Variants in PSD3 observed in about 807,000 individuals in gnomAD.
PSD3 encodes PH and SEC7 domain-containing protein 3.
A neutral mutation model predicts 105.5 loss-of-function variants in PSD3; 49 were observed. The observed-to-expected ratio is 0.46, with a 90% CI of 0.37 to 0.59. The LOEUF is 0.59. PSD3 is among the 20% of genes least tolerant of loss of function. PSD3 has a pLI of 0.00. For synonymous variants in PSD3, 557 were observed against 457.8 expected (o/e 1.22, Z -2.77); for missense variants, 1,561 against 1,263.8 (o/e 1.24, Z -3.57).
chr8:18,530,891 A>C lies in PSD3; in HGVS notation c.*4852T>G, dbSNP rs1051465622. The C allele has an allele frequency of 1.4e-4, 22 of 152,208 alleles. No homozygotes were observed. Among genetic ancestry groups the C allele is most frequent in the African/African-American group, 5.1e-4 (21 of 41,446 alleles). 9.4% of individuals were successfully genotyped at this position (152,208 alleles called of 1,614,324 possible). On this transcript the variant is annotated 3_prime_UTR_variant, in exon 16 of 16. Coordinates refer to ENST00000327040, the MANE Select transcript of PSD3 (RefSeq NM_015310.4). ...ATTATTTGAGTTTAAGTTTAATAAA[A>C]CAATACCACTATATATACTCTCAAC...
At position 18,981,657 on chromosome 8, in the gene PSD3, T is replaced by A. The variant is rs552950843; in HGVS notation, c.21+31906A>T. Among the ~76,000 whole-genome samples, 14 of 151,922 alleles carry A rather than the reference T, an allele frequency of 9.2e-5. No individual in the cohort carries two copies. In the South Asian group the frequency reaches 2.7e-3, roughly 29 times the overall value. The stretch of plus-strand genomic sequence containing the variant: ...AAAGCAAACATCACAATAAAGTGAA[T>A]CACTCCAGTGATTCACTGTGAATAT... On this transcript the variant is annotated intron_variant, in intron 1 of 15. Coordinates refer to ENST00000327040, the MANE Select transcript of PSD3 (RefSeq NM_015310.4).
At chr8:18,586,606 G>T (rs1299887556) in intron 12 of PSD3, among the ~76,000 whole-genome samples, 1 of 151,828 alleles carries the variant, frequency 6.6e-6, no homozygotes, top group Non-Finnish European at 1.5e-5. Context: ...AAGGGAAGGT[G>T]GTCTTCAAAG....
At chr8:18,655,749 A>T in intron 9 of PSD3, 64 bp from the exon 10 acceptor site, 1 of 1,483,554 alleles carries the variant, frequency 6.7e-7, no homozygotes. Flanking sequence ...TGAATTCAGC[A>T]AATGACCAAG....
intron 2 of PSD3, among the ~76,000 whole-genome samples, chr8:18,928,892 G>C (rs1821559400): frequency 6.6e-6 from 1 of 151,444 alleles, no homozygotes; most frequent in Non-Finnish European, 1.5e-5. Flanking sequence ...ATGTTGCCCA[G>C]ACTGGACTTG....
chr8:18,683,911 G>C (rs1478953378), intron 9 of PSD3: 1 of 765,010 alleles, frequency 1.3e-6, no homozygotes, highest in South Asian at 1.3e-5. Context: ...CTGGCACTCT[G>C]GACACTATTC....
At chr8:18,823,069 A>G (rs1365559900) in intron 4 of PSD3, among the ~76,000 whole-genome samples, 1 of 147,190 alleles carries the variant, frequency 6.8e-6, no homozygotes, top group East Asian at 2.0e-4. Context: ...TTTTATAAAG[A>G]AGGAGGAAAA....
intron 11 of PSD3, among the ~76,000 whole-genome samples, chr8:18,615,750 C>T (rs1805611890): frequency 6.6e-6 from 1 of 152,176 alleles, no homozygotes; most frequent in South Asian, 2.1e-4. Flanking sequence ...CAGGTAACTG[C>T]TGAATCAGAC....
intron 4 of PSD3, among the ~76,000 whole-genome samples, chr8:18,846,840 C>G (rs1815130391): frequency 6.6e-6 from 1 of 151,990 alleles, no homozygotes; most frequent in Non-Finnish European, 1.5e-5. Flanking sequence ...TGGAAAAAAC[C>G]CTAAATTGTT....
chr8:19,081,734 A>G (rs1829652406), intron 1 of PSD3, among the ~76,000 whole-genome samples: 1 of 152,160 alleles, frequency 6.6e-6, no homozygotes, highest in African/African-American at 2.4e-5. Flanking sequence ...ATTTTTTACT[A>G]TGGAGCCTGT....
intron 4 of PSD3, among the ~76,000 whole-genome samples, chr8:18,821,813 CACTT>C (rs1350046749): frequency 9.0e-6 from 1 of 110,816 alleles, no homozygotes; most frequent in Non-Finnish European, 1.9e-5. Context: ...TTTAGCCTCT[CACTT>C]CAAGTGTTTT....
intron 15 of PSD3, among the ~76,000 whole-genome samples, chr8:18,543,727 T>C (rs1413055272): frequency 6.6e-6 from 1 of 152,192 alleles, no homozygotes; most frequent in Non-Finnish European, 1.5e-5. Flanking sequence ...AATTATCGTG[T>C]CTAAGACCAT....
chr8:18,811,171 T>G (rs11778625), intron 4 of PSD3, among the ~76,000 whole-genome samples: 48,031 of 152,100 alleles, frequency 0.32, 9,459 homozygotes, highest in Non-Finnish European at 0.44. Flanking sequence ...GGCTTCTTCC[T>G]AGGGATTGAA....
intron 9 of PSD3, among the ~76,000 whole-genome samples, chr8:18,754,314 G>T (rs1805848542): frequency 6.6e-6 from 1 of 152,114 alleles, no homozygotes; most frequent in Non-Finnish European, 1.5e-5. Context: ...AACCTGGGAG[G>T]CACAGGTTGC....
intron 1 of PSD3, among the ~76,000 whole-genome samples, chr8:18,987,399 T>C (rs1030515380): frequency 2.0e-5 from 3 of 152,044 alleles, no homozygotes; most frequent in Admixed American, 2.0e-4. Flanking sequence ...GCCATTCTCC[T>C]GCCTCAGCCT....
At chr8:18,802,996 G>T (rs535050597) in intron 6 of PSD3, among the ~76,000 whole-genome samples, 1 of 152,006 alleles carries the variant, frequency 6.6e-6, no homozygotes, top group Non-Finnish European at 1.5e-5. Context: ...ACCTTAAAAG[G>T]CTATTGGGGC....
chr8:18,850,361 A>T (rs7833787), intron 4 of PSD3, among the ~76,000 whole-genome samples: 10 of 152,062 alleles, frequency 6.6e-5, no homozygotes, highest in Non-Finnish European at 1.2e-4. Context: ...CACAGCTCCT[A>T]TAACAATGGA....
intron 2 of PSD3, among the ~76,000 whole-genome samples, chr8:18,878,815 T>C (rs544597232): frequency 6.6e-6 from 1 of 152,138 alleles, no homozygotes; most frequent in Non-Finnish European, 1.5e-5. Context: ...AAGCATAATG[T>C]TACTCACGCC....
intron 1 of PSD3, among the ~76,000 whole-genome samples, chr8:19,052,077 G>T (rs1394702445): frequency 6.6e-6 from 1 of 152,214 alleles, no homozygotes; most frequent in African/African-American, 2.4e-5. Flanking sequence ...AAGGTCTGCA[G>T]GGAGGAGCAA....
chr8:18,835,563 G>C (rs1039964421), intron 4 of PSD3, among the ~76,000 whole-genome samples: 5 of 152,176 alleles, frequency 3.3e-5, no homozygotes, highest in African/African-American at 1.2e-4. Context: ...AAAATACGTA[G>C]TACGTTGGTA....
Sources: allele counts gnomAD v4.1 joint callset (sites outside exome capture counted in the v4.1 genomes callset), GRCh38; gene constraint gnomAD v4.1.1; transcripts MANE v1.5; gene names NCBI Gene and HGNC (gene_info 2026-07-23, HGNC 2026-07-21).